The following SNX25 variants were observed in gnomAD, a reference collection of about 807,000 sequenced individuals.
SNX25 encodes sorting nexin-25.
A neutral mutation model predicts 113.7 loss-of-function variants in SNX25; 62 were observed. That is an observed-to-expected ratio of 0.55 (90% CI 0.44 to 0.67). The LOEUF is 0.67. SNX25 is among the 30% of genes least tolerant of loss of function. The probability of loss-of-function intolerance (pLI) is 0.00; values close to 1 mark genes in which losing one functional copy is unlikely to be tolerated. For missense variants in SNX25, 1,014 were observed against 1,161.0 expected, an observed-to-expected ratio of 0.87 and a Z score of 1.84; for synonymous variants, 421 against 436.2, an observed-to-expected ratio of 0.97 and a Z score of 0.43.
Position 185,360,930 on chromosome 4 carries a change from A to ATATATAT in SNX25, c.2652-994_2652-993insTATATAT, listed in dbSNP as rs1491260048. Among the ~76,000 whole-genome samples the ATATATAT allele has an allele frequency of 1.1e-3, 153 of 139,626 alleles. 1 individual carries two copies. Among genetic ancestry groups the ATATATAT allele is most frequent in the African/African-American group, 3.8e-3 (140 of 36,700 alleles). The allele number at this position is 139,626 out of a possible 152,430, so 91.6% of individuals were successfully genotyped here. ...CGAGACTCCGTCTCAAAAAAAAAAT[A>ATATATAT]ATATATATATATATATATATATAGA... is the stretch of plus-strand genomic sequence containing the variant. On this transcript the variant is annotated intron_variant, in intron 16 of 18. Transcript: ENST00000652585.
downstream of SNX25, chr4:185,367,395 T>A (rs968406788): frequency 4.7e-6 from 3 of 635,636 alleles, no homozygotes; most frequent in East Asian, 8.4e-5. Flanking sequence ...TATTCTGATG[T>A]CCTACTTTAA....
At chr4:185,242,682 G>C (rs905119663) in intron 1 of SNX25, among the ~76,000 whole-genome samples, 1 of 152,124 alleles carries the variant, frequency 6.6e-6, no homozygotes, top group Non-Finnish European at 1.5e-5. Context: ...GTCCTCTGGA[G>C]CTTTCCTTCC....
In SNX25 at chr4:185,320,823, A is replaced by C; in HGVS notation, c.1435A>C (p.Ser479Arg). ...AAGGATGGACAAAAGAGCTCTGATT[A>C]GTTTTTGGGAATCTGTGGAACATTT... is the stretch of plus-strand genomic sequence containing the variant. ...MERMDKRALI[S>R]FWESVEHLKN... The change falls in exon 8 of 19, where the codon AGT (serine) becomes CGT (arginine). Residue 479 changes from serine (S) to arginine (R), a missense_variant. Ser to Arg is a moderately radical substitution (Grantham distance 110, BLOSUM62 -1). Coordinates refer to ENST00000652585, the MANE Select transcript of SNX25 (RefSeq NM_001378034.2). 1 of 1,605,984 alleles carries C rather than the reference A, an allele frequency of 6.2e-7. No homozygotes were observed. Among genetic ancestry groups the C allele is most frequent in the Non-Finnish European group, 8.5e-7 (1 of 1,176,390 alleles).
chr4:185,210,739 C>T lies in SNX25; in HGVS notation c.429+484C>T, dbSNP rs1260859817. ...TGGCCCAGCGCCTCACCCCCAAGCC[C>T]GCGTACCCTTCCCACCACCCTATCC... On this transcript the variant is annotated intron_variant, in intron 1 of 18. Transcript: ENST00000652585. This position sits in a 1 kb window ranked among gnomAD's most constrained non-coding sequence, Gnocchi z 4.4. Among the ~76,000 whole-genome samples, 1 of 151,972 alleles carries T rather than the reference C, an allele frequency of 6.6e-6. No homozygotes were observed. Among genetic ancestry groups the T allele is most frequent in the African/African-American group, 2.4e-5 (1 of 41,370 alleles).
downstream of SNX25, among the ~76,000 whole-genome samples, chr4:185,371,490 C>G (rs956731194): frequency 2.7e-5 from 4 of 148,396 alleles, no homozygotes; most frequent in African/African-American, 5.0e-5. Flanking sequence ...TGCAGTGAGC[C>G]GAGATCGCAC....
At position 185,342,124 on chromosome 4, in the gene SNX25, TA is replaced by T; in HGVS notation, c.2187+9del. On this transcript the variant is annotated intron_variant, in intron 12 of 18. Coordinates refer to ENST00000652585, the MANE Select transcript of SNX25 (RefSeq NM_001378034.2). ...CACCGGAAACTCAGTGAGGTATGAATACTCATGAACGCAGTATTCTAGAATT... is the reference window on the plus strand; with the variant it reads ...CACCGGAAACTCAGTGAGGTATGAATCTCATGAACGCAGTATTCTAGAATT... 1 of 1,580,752 alleles carries T rather than the reference TA, an allele frequency of 6.3e-7. No individual in the cohort carries two copies. The highest frequency in any genetic ancestry group is 8.6e-7 in the Non-Finnish European group (1 of 1,166,274).
chr4:185,285,292 A>T (rs375229093), intron 5 of SNX25, among the ~76,000 whole-genome samples: 1 of 152,202 alleles, frequency 6.6e-6, no homozygotes, highest in Non-Finnish European at 1.5e-5. Flanking sequence ...TTAATCTGAT[A>T]TGTCCTGAAA....
chr4:185,264,494 A>T lies in SNX25; in HGVS notation c.788A>T (p.Asp263Val), dbSNP rs758949566. 8 of 1,613,964 alleles carry T rather than the reference A, an allele frequency of 5.0e-6. No homozygotes were observed. Among genetic ancestry groups the T allele is most frequent in the Non-Finnish European group, 6.8e-6 (8 of 1,179,944 alleles). ...CACGCATGCTTGAGGAACTCAGATG[A>T]TGAAGTAAGATTTCTACAAACGTGT... ...VLHACLRNSDDEVRFLQTCSR... is the reference protein window; with the variant it reads ...VLHACLRNSDVEVRFLQTCSR... The change falls in exon 4 of 19, where the codon GAT (aspartate) becomes GTT (valine). Residue 263 changes from aspartate to valine, a missense_variant. Physicochemically the swap from Asp to Val is radical, Grantham distance 152 (BLOSUM62 -3). Transcript: ENST00000652585.
At chr4:185,337,228 A>G (rs181087793) in intron 10 of SNX25, among the ~76,000 whole-genome samples, 149 of 152,304 alleles carry the variant, frequency 9.8e-4, no homozygotes, top group African/African-American at 3.5e-3. Flanking sequence ...TGAAACTATT[A>G]AACAATACCT....
downstream of SNX25, chr4:185,366,469 A>AG (rs1373754939): frequency 2.6e-5 from 4 of 152,186 alleles, no homozygotes; most frequent in Non-Finnish European, 5.9e-5. Flanking sequence ...GAAGATTTGG[A>AG]GGGGCAAGAT....
At chr4:185,358,518 T>C (rs905296851) in intron 16 of SNX25, among the ~76,000 whole-genome samples, 2 of 152,214 alleles carry the variant, frequency 1.3e-5, no homozygotes, top group Non-Finnish European at 2.9e-5. Flanking sequence ...AGAAGTTGAA[T>C]AGAATTATTT....
intron 10 of SNX25, among the ~76,000 whole-genome samples, chr4:185,333,909 A>G (rs1022859392): frequency 7.9e-5 from 12 of 151,608 alleles, no homozygotes; most frequent in African/African-American, 2.7e-4. Context: ...TCAGCCCAGC[A>G]TGGTAGTGGA....
At chr4:185,249,299 A>G (rs1252121235) in intron 2 of SNX25, among the ~76,000 whole-genome samples, 3 of 152,148 alleles carry the variant, frequency 2.0e-5, no homozygotes, top group Non-Finnish European at 4.4e-5. Context: ...ATTACCACCA[A>G]CATTTGCTGT....
chr4:185,240,373 G>C (rs1249886863), intron 1 of SNX25, among the ~76,000 whole-genome samples: 3 of 151,374 alleles, frequency 2.0e-5, no homozygotes, highest in South Asian at 4.2e-4. Flanking sequence ...CCTCCCGGAC[G>C]GGGCGGCTGG....
intron 1 of SNX25, among the ~76,000 whole-genome samples, chr4:185,237,244 TG>T (rs923012600): frequency 6.6e-6 from 1 of 152,192 alleles, no homozygotes; most frequent in Admixed American, 6.5e-5. Flanking sequence ...CTGTTTTTTT[TG>T]ATAAGGAAAG....
Position 185,346,526 on chromosome 4 carries a change from TC to T in SNX25, c.2188-5del, listed in dbSNP as rs869069759. 8.6e-6 allele frequency: 13 copies of T among 1,516,796 alleles called. No individual in the cohort carries two copies. The highest frequency in any genetic ancestry group is 3.6e-5 in the South Asian group (3 of 82,414). 94.0% of individuals were successfully genotyped at this position (1,516,796 alleles called of 1,614,324 possible). ...TTCAAAATACTAACATTTCATTTTT[TC>T]CCCCCACAGTGCGTCCCTTCTTTAA... On this transcript the variant is annotated splice_polypyrimidine_tract_variant and intron_variant, in intron 12 of 18. Transcript: ENST00000652585.
At chr4:185,285,346 G>T (rs543931130) in intron 5 of SNX25, among the ~76,000 whole-genome samples, 16 of 152,280 alleles carry the variant, frequency 1.1e-4, no homozygotes, top group African/African-American at 3.9e-4. Context: ...TGTCTGGAAC[G>T]TAAGAAAAGA....
At chr4:185,272,458 T>C (rs1749078041) in intron 5 of SNX25, among the ~76,000 whole-genome samples, 1 of 152,232 alleles carries the variant, frequency 6.6e-6, no homozygotes, top group Non-Finnish European at 1.5e-5. Flanking sequence ...CATCCATTGC[T>C]GCCTGCATTG....
At chr4:185,233,698 GTGTT>G (rs1436249135) in intron 1 of SNX25, among the ~76,000 whole-genome samples, 1 of 152,064 alleles carries the variant, frequency 6.6e-6, no homozygotes, top group Non-Finnish European at 1.5e-5. Context: ...CAATTTTCAA[GTGTT>G]TGTCTGATTT....
Sources: gnomAD v4.1 joint callset for allele counts (sites outside exome capture counted in the v4.1 genomes callset) on GRCh38, gnomAD v4.1.1 for gene constraint, Gnocchi (gnomAD v3.1) non-coding constraint, MANE v1.5 for transcripts, NCBI Gene and HGNC (gene_info 2026-07-23, HGNC 2026-07-21) for gene names.